The following NDST4 variants were observed in gnomAD, a reference collection of about 807,000 sequenced individuals.
NDST4 encodes N-heparan sulfate sulfotransferase 4.
In NDST4, 63 loss-of-function variants were observed where a neutral mutation model predicts 100.8. The observed-to-expected ratio is 0.62, with a 90% CI of 0.51 to 0.77. The LOEUF (loss-of-function observed/expected upper bound fraction) is 0.77, where lower values mean the gene tolerates loss of function less well. Ranked by LOEUF, NDST4 falls within the 30% of genes least tolerant of loss-of-function variation. NDST4 has a pLI of 0.00. For missense variants in NDST4, 943 were observed against 1,018.4 expected (o/e 0.93, Z 1.01); for synonymous variants, 377 against 361.8 (o/e 1.04, Z -0.48).
At chr4:114,952,945 G>C (rs1450050748) in intron 4 of NDST4, among the ~76,000 whole-genome samples, 1 of 150,932 alleles carries the variant, frequency 6.6e-6, no homozygotes, top group African/African-American at 2.4e-5. Flanking sequence ...TCATTCATAT[G>C]TTACTTTAAT....
chr4:114,925,293 C>T (rs537062503), intron 6 of NDST4, among the ~76,000 whole-genome samples: 32 of 152,212 alleles, frequency 2.1e-4, no homozygotes, highest in African/African-American at 7.2e-4. Flanking sequence ...TGGGATATTG[C>T]TTGCATTTTA....
At chr4:114,909,669 C>CAAAAAAAAAAAAAA (rs773267929) in intron 6 of NDST4, among the ~76,000 whole-genome samples, 121 of 61,410 alleles carry the variant, frequency 2.0e-3, no homozygotes, top group African/African-American at 4.4e-3. Context: ...GACTCCGTCT[C>CAAAAAAAAAAAAAA]AAAAAAAAAA....
chr4:114,916,534 CTCTGTGTGTGTGTGTGTGTG>C (rs1435857543), intron 6 of NDST4, among the ~76,000 whole-genome samples: 2 of 123,418 alleles, frequency 1.6e-5, no homozygotes, highest in African/African-American at 6.7e-5. Context: ...TCCTGGTAGG[CTCTGTGTGTGTGTGTGTGTG>C]TGTGTGTGTG....
rs577756224 is a variant in NDST4 at position 114,970,655 on chromosome 4, T to C, written c.1067-71A>G. On this transcript the variant is annotated intron_variant, in intron 3 of 13. Coordinates refer to ENST00000264363, the MANE Select transcript of NDST4 (RefSeq NM_022569.3). ...TATCTTAAAGGTTATTTTTGTCAGATTTATGTTAATTTTTCATGCTGCTGA... is the reference window on the plus strand; with the variant it reads ...TATCTTAAAGGTTATTTTTGTCAGACTTATGTTAATTTTTCATGCTGCTGA... 50 of 1,339,518 alleles carry C rather than the reference T, an allele frequency of 3.7e-5. No homozygotes were observed. In the East Asian group the frequency reaches 7.5e-4, roughly 20 times the overall value. The allele number at this position is 1,339,518 out of a possible 1,614,324, so 83.0% of individuals were successfully genotyped here.
chr4:114,833,125 G>T (rs1723237003), intron 12 of NDST4, among the ~76,000 whole-genome samples: 1 of 152,132 alleles, frequency 6.6e-6, no homozygotes, highest in Admixed American at 6.5e-5. Flanking sequence ...GGTTTGTCAT[G>T]CAACAATAAA....
chr4:115,017,752 C>G (rs1396757062), intron 2 of NDST4, among the ~76,000 whole-genome samples: 1 of 151,910 alleles, frequency 6.6e-6, no homozygotes, highest in Non-Finnish European at 1.5e-5. Context: ...AAAAGGCAAT[C>G]ATTAATAAAA....
intron 6 of NDST4, among the ~76,000 whole-genome samples, chr4:114,894,386 T>C (rs1457213802): frequency 6.6e-6 from 1 of 152,220 alleles, no homozygotes; most frequent in African/African-American, 2.4e-5. Context: ...GGAATGTGTT[T>C]CCATTTGTTT....
chr4:114,911,743 C>G (rs895059956), intron 6 of NDST4, among the ~76,000 whole-genome samples: 4 of 152,140 alleles, frequency 2.6e-5, no homozygotes, highest in Non-Finnish European at 4.4e-5. Flanking sequence ...AAAATAGTCT[C>G]TTCTAAATTG....
chr4:114,845,825 G>A lies in NDST4; in HGVS notation c.2113C>T (p.Gln705Ter), dbSNP rs1723535883. Reference protein sequence around the residue: ...DPSDRAYSWYQHQRSHEDPAA... With the variant: ...DPSDRAYSWY ...GCCGATTTTTTTACTGACCATACCT[G>A]GTACCAAGAGTATGCCCTGTCTGAG... The change falls in exon 10 of 14, where the codon CAG becomes TAG. Residue 705 changes from glutamine to a stop codon, truncating the protein, a stop_gained and splice_region_variant. Transcript: ENST00000264363. LOFTEE classifies it high-confidence loss of function. 1 of 1,609,280 alleles carries A rather than the reference G, an allele frequency of 6.2e-7. No homozygotes were observed. The highest frequency in any genetic ancestry group is 8.5e-7 in the Non-Finnish European group (1 of 1,176,928).
chr4:114,930,049 T>A (rs1725480738), intron 6 of NDST4, among the ~76,000 whole-genome samples: 1 of 152,192 alleles, frequency 6.6e-6, no homozygotes, highest in East Asian at 1.9e-4. Flanking sequence ...TCTGTCGAGA[T>A]TAAATTCTCA....
rs188835560 is a variant in NDST4, at chr4:114,979,932, A to G, written c.979-2658T>C. ...GTTCTTTAGTTTTCAAACTTCAGAA[A>G]AGTTTTCATGCCATTCAGTTACAAA... On this transcript the variant is annotated intron_variant, in intron 2 of 13. Coordinates refer to ENST00000264363, the MANE Select transcript of NDST4 (RefSeq NM_022569.3). Among the ~76,000 whole-genome samples, 484 of 152,308 alleles carry G rather than the reference A, an allele frequency of 3.2e-3. 3 individuals are homozygous for G. The highest frequency in any genetic ancestry group is 3.9e-3 in the Non-Finnish European group (268 of 68,028).
chr4:115,110,964 T>C (rs1037614008), intron 1 of NDST4, among the ~76,000 whole-genome samples: 1 of 151,988 alleles, frequency 6.6e-6, no homozygotes, highest in Admixed American at 6.6e-5. Context: ...GCTGATATTC[T>C]AGCTTTATTT....
chr4:114,870,702 C>G, intron 7 of NDST4, 66 bp downstream of exon 7: 1 of 1,399,230 alleles, frequency 7.1e-7, no homozygotes. Context: ...GTGCCTAACA[C>G]AAATTATACA....
chr4:114,854,635 A>C (rs1237051714), intron 7 of NDST4, among the ~76,000 whole-genome samples: 1 of 151,920 alleles, frequency 6.6e-6, no homozygotes, highest in Admixed American at 6.6e-5. Context: ...CACCCGGCTA[A>C]TTTTTTGTAT....
chr4:115,004,404 C>T (rs1362949710), intron 2 of NDST4, among the ~76,000 whole-genome samples: 2 of 152,128 alleles, frequency 1.3e-5, no homozygotes, highest in African/African-American at 2.4e-5. Context: ...GTTTTCATCC[C>T]TATGGGAGGT....
chr4:114,976,752 T>C (rs1167409506), intron 3 of NDST4, among the ~76,000 whole-genome samples: 2 of 152,110 alleles, frequency 1.3e-5, no homozygotes, highest in East Asian at 1.9e-4. Context: ...ATTGAGACCA[T>C]AAAGTTTCTC....
intron 1 of NDST4, among the ~76,000 whole-genome samples, chr4:115,090,271 A>G (rs1198608531): frequency 1.3e-5 from 2 of 151,948 alleles, no homozygotes; most frequent in South Asian, 2.1e-4. Flanking sequence ...AGAATAACCT[A>G]TTCTACAGAG....
intron 2 of NDST4, among the ~76,000 whole-genome samples, chr4:115,043,756 G>A (rs1728403093): frequency 6.6e-6 from 1 of 152,138 alleles, no homozygotes; most frequent in Non-Finnish European, 1.5e-5. Flanking sequence ...ATTTAAATAA[G>A]ATGCCTAAAA....
chr4:115,028,251 A>C (rs1728032568), intron 2 of NDST4, among the ~76,000 whole-genome samples: 1 of 152,142 alleles, frequency 6.6e-6, no homozygotes, highest in African/African-American at 2.4e-5. Flanking sequence ...TCTTACCACG[A>C]ATGTCTGGTT....
Sources: gnomAD v4.1 joint callset for allele counts (sites outside exome capture counted in the v4.1 genomes callset) on GRCh38, gnomAD v4.1.1 for gene constraint, MANE v1.5 for transcripts, NCBI Gene and HGNC (gene_info 2026-07-23, HGNC 2026-07-21) for gene names.